The following TASOR variants were observed in gnomAD, a reference collection of about 807,000 sequenced individuals.
TASOR encodes the protein transcription activation suppressor, also known as protein TASOR.
Under a neutral mutation model 178.6 loss-of-function variants are expected in TASOR, and 53 were observed. That is an observed-to-expected ratio of 0.30 (90% CI 0.24 to 0.37). The LOEUF is 0.37. TASOR is among the 10% of genes least tolerant of loss of function. TASOR has a pLI of 1.00. For synonymous variants in TASOR, 713 were observed against 696.2 expected, an observed-to-expected ratio of 1.02 and a Z score of -0.38; for missense variants, 1,815 against 1,971.4, an observed-to-expected ratio of 0.92 and a Z score of 1.50.
chr3:56,672,220 ATC>A (rs1486515427), intron 2 of TASOR, among the ~76,000 whole-genome samples: 95 of 152,200 alleles, frequency 6.2e-4, no homozygotes, highest in African/African-American at 2.2e-3. Flanking sequence ...TGGCTTTCCT[ATC>A]TATAAAATAG....
rs748615213 is a variant in TASOR, at chr3:56,669,710, T to C, written c.725A>G (p.Lys242Arg). Residue 242 changes from lysine (K) to arginine (R), a missense_variant, in exon 5 of 24, where the codon AAA becomes AGA. Physicochemically the swap from Lys to Arg is conservative, Grantham distance 26. Transcript: ENST00000683822. ...TGAMGDVVIF[K>R]IMKGKIKSIY... Reference sequence around the variant, plus strand: ...GTAAGTTTAAATTACCTTCATTATTTTAAAAATAACAACATCACCCATTGC... The same window carrying C: ...GTAAGTTTAAATTACCTTCATTATTCTAAAAATAACAACATCACCCATTGC... The C allele has an allele frequency of 6.5e-7, 1 of 1,540,720 alleles. No individual in the cohort carries two copies. The highest frequency in any genetic ancestry group is 1.2e-5 in the South Asian group (1 of 81,920).
chr3:56,623,071 C>T lies in TASOR; in HGVS notation c.4979G>A (p.Ser1660Asn). 6.3e-7 allele frequency: 1 copy of T among 1,593,918 alleles called. No individual in the cohort carries two copies. The highest frequency in any genetic ancestry group is 1.2e-5 in the South Asian group (1 of 86,392). ...KSPPPLSWGK[S>N]DSSRPYSQEK ...TTGTGAATATGGCCTGGAAGAATCA[C>T]TTTTCCCCCAACTTAAGGGAGGTGG... is the stretch of plus-strand genomic sequence containing the variant. Residue 1660 changes from serine to asparagine, a missense_variant, in exon 24 of 24, where the codon AGT (serine) becomes AAT (asparagine). Around this residue, in one of 5 missense-constraint regions of TASOR, gnomAD observed 278 missense variants for 257.1 expected, o/e 1.08. Transcript: ENST00000683822.
chr3:56,683,214 G>T lies in TASOR; in HGVS notation c.-208C>A. 1 of 515,868 alleles carries T rather than the reference G, an allele frequency of 1.9e-6. No individual in the cohort carries two copies. Among genetic ancestry groups the T allele is most frequent in the Non-Finnish European group, 3.4e-6 (1 of 297,464 alleles). 32.0% of individuals were successfully genotyped at this position (515,868 alleles called of 1,614,324 possible). A position where few individuals can be genotyped will look rare whatever the true frequency, so the allele number is the denominator to read the frequency against. ...AATGCGCTGCCCGGTCCTCGGAGCCGCTCCTCCCTCGGGCAGTTCTTCTGC... is the reference window on the plus strand; with the variant it reads ...AATGCGCTGCCCGGTCCTCGGAGCCTCTCCTCCCTCGGGCAGTTCTTCTGC... On this transcript the variant is annotated 5_prime_UTR_variant, in exon 1 of 24. Coordinates refer to ENST00000683822, the MANE Select transcript of TASOR (RefSeq NM_001365635.2).
chr3:56,641,657 G>T lies in TASOR; in HGVS notation c.2311C>A (p.Leu771Met). 1 of 1,614,194 alleles carries T rather than the reference G, an allele frequency of 6.2e-7. No individual in the cohort carries two copies. Residue 771 changes from leucine to methionine, a missense_variant, in exon 15 of 24, where the codon CTG becomes ATG. By Grantham distance (15) the Leu-to-Met change is conservative. Transcript: ENST00000683822. ...AGTGTTTCTGATAACCAATTAAACA[G>T]CCTATGGATGTCAGCAATGCCGGAG... is the stretch of plus-strand genomic sequence containing the variant. ...CNSGIADIHR[L>M]FNWLSETLAN...
chr3:56,668,159 T>C (rs1243308976), intron 6 of TASOR, among the ~76,000 whole-genome samples: 1 of 152,164 alleles, frequency 6.6e-6, no homozygotes, highest in Non-Finnish European at 1.5e-5. Context: ...CAGGAAGAGC[T>C]AGACTAGGGA....
chr3:56,639,111 A>G (rs77159457), intron 16 of TASOR, among the ~76,000 whole-genome samples: 2,020 of 152,296 alleles, frequency 0.013, 36 homozygotes, highest in African/African-American at 0.045. Context: ...AAAGATGTTA[A>G]GTAGAAGATG....
Position 56,660,838 on chromosome 3 carries a change from A to C in TASOR, c.1265-4T>G, listed in dbSNP as rs2077578361. ...CAATACATTCCATTCTTCAAAACTG[A>C]CATAAGAAAAATACATAGTAAATAT... On this transcript the variant is annotated splice_polypyrimidine_tract_variant and splice_region_variant and intron_variant, in intron 10 of 23. Transcript: ENST00000683822. The C allele has an allele frequency of 6.2e-7, 1 of 1,612,986 alleles. No homozygotes were observed. The highest frequency in any genetic ancestry group is 8.5e-7 in the Non-Finnish European group (1 of 1,179,624).
chr3:56,670,940 C>CAAAAAAAAAAAAAAAAAAA (rs11300845), intron 3 of TASOR, among the ~76,000 whole-genome samples: 4 of 54,204 alleles, frequency 7.4e-5, no homozygotes, highest in African/African-American at 2.2e-4. Flanking sequence ...GACTCCATCT[C>CAAAAAAAAAAAAAAAAAAA]AAAAAAAAAA....
chr3:56,678,542 C>T (rs937305453), intron 1 of TASOR, among the ~76,000 whole-genome samples: 6 of 152,088 alleles, frequency 3.9e-5, no homozygotes, highest in Admixed American at 2.0e-4. Flanking sequence ...TAATTTAGGT[C>T]ATCAAACAGC....
At chr3:56,645,413 C>T (rs1215825355) in intron 14 of TASOR, among the ~76,000 whole-genome samples, 1 of 152,182 alleles carries the variant, frequency 6.6e-6, no homozygotes, top group Non-Finnish European at 1.5e-5. Flanking sequence ...TAGACTAAGA[C>T]ACACTGAATC....
In TASOR at chr3:56,622,280, A is replaced by G. The variant is rs1488345957; in HGVS notation, c.*757T>C. The G allele has an allele frequency of 6.6e-6, 1 of 152,194 alleles. No individual in the cohort carries two copies. The highest frequency in any genetic ancestry group is 1.5e-5 in the Non-Finnish European group (1 of 68,002). 9.4% of individuals were successfully genotyped at this position (152,194 alleles called of 1,614,324 possible). A position where few individuals can be genotyped will look rare whatever the true frequency, so the allele number is the denominator to read the frequency against. On this transcript the variant is annotated 3_prime_UTR_variant, in exon 24 of 24. Coordinates refer to ENST00000683822, the MANE Select transcript of TASOR (RefSeq NM_001365635.2). ...AGCATTAATGTGTTCAACAAATGGT[A>G]ATTACTACTAAGACCACCTCAAAAA...
rs1319000791 is a variant in TASOR, at chr3:56,623,329, A to G, written c.4721T>C (p.Ile1574Thr). Reference sequence around the variant, plus strand: ...CTCTCCTTCAGAGCATACTATATCAATAGAAGTTCTCTCTTCAGAATCAAG... The same window carrying G: ...CTCTCCTTCAGAGCATACTATATCAGTAGAAGTTCTCTCTTCAGAATCAAG... ...TYLDSEERTS[I>T]DIVCSEGENS... Residue 1574 changes from isoleucine (I) to threonine (T), a missense_variant, in exon 24 of 24, where the codon ATT becomes ACT. Transcript: ENST00000683822. 1.2e-6 allele frequency: 2 copies of G among 1,613,576 alleles called. No individual in the cohort carries two copies. Among genetic ancestry groups the G allele is most frequent in the Non-Finnish European group, 1.7e-6 (2 of 1,179,964 alleles).
intron 6 of TASOR, among the ~76,000 whole-genome samples, chr3:56,666,863 C>T (rs2030054623): frequency 6.6e-6 from 1 of 152,168 alleles, no homozygotes; most frequent in Non-Finnish European, 1.5e-5. Context: ...ACAAAGATAG[C>T]CTTCCCTCTT....
chr3:56,644,697 A>C (rs1208733432), intron 14 of TASOR, among the ~76,000 whole-genome samples: 1 of 134,116 alleles, frequency 7.5e-6, no homozygotes, highest in African/African-American at 2.9e-5. Context: ...GCAAGAAGGT[A>C]GTAAGTCAGG....
At chr3:56,640,830 A>G (rs2077106097) in intron 15 of TASOR, among the ~76,000 whole-genome samples, 1 of 152,212 alleles carries the variant, frequency 6.6e-6, no homozygotes, top group African/African-American at 2.4e-5. Context: ...TATATCATAA[A>G]TATACTGGAC....
chr3:56,669,171 A>G (rs937659493), intron 5 of TASOR, among the ~76,000 whole-genome samples: 2 of 152,150 alleles, frequency 1.3e-5, no homozygotes, highest in African/African-American at 4.8e-5. Context: ...TTTCTTTGGA[A>G]AGGAAAACAA....
intron 17 of TASOR, among the ~76,000 whole-genome samples, chr3:56,635,616 G>C (rs2077001012): frequency 6.6e-6 from 1 of 152,106 alleles, no homozygotes; most frequent in Admixed American, 6.5e-5. Flanking sequence ...AAACATATGG[G>C]TTGCGAAGAA....
chr3:56,621,308 T>C lies in TASOR; in HGVS notation c.*1729A>G, dbSNP rs143889968. 2.3e-5 allele frequency: 8 copies of C among 346,648 alleles called. No individual in the cohort carries two copies. The East Asian group carries it at 3.3e-4, about 14-fold the overall frequency. The allele number at this position is 346,648 out of a possible 1,614,324, so 21.5% of individuals were successfully genotyped here. A position where few individuals can be genotyped will look rare whatever the true frequency, so the allele number is the denominator to read the frequency against. ...TATGGAGTCTTGAGTTCTAAGAAAA[T>C]TTTCATCCCTATTGATTTTTATGCT... is the stretch of plus-strand genomic sequence containing the variant. On this transcript the variant is annotated 3_prime_UTR_variant, in exon 24 of 24. Coordinates refer to ENST00000683822, the MANE Select transcript of TASOR (RefSeq NM_001365635.2).
At chr3:56,673,081 GATTACAGGC>G (rs2107633723) in intron 2 of TASOR, among the ~76,000 whole-genome samples, 1 of 152,274 alleles carries the variant, frequency 6.6e-6, no homozygotes, top group Admixed American at 6.5e-5. Flanking sequence ...AAAGTGCTGG[GATTACAGGC>G]ATGAGCCACC....
Sources: allele counts gnomAD v4.1 joint callset (sites outside exome capture counted in the v4.1 genomes callset), GRCh38; gene constraint gnomAD v4.1.1; regional missense constraint gnomAD v4.1.1; transcripts MANE v1.5; gene names NCBI Gene and HGNC (gene_info 2026-07-23, HGNC 2026-07-21).